The following RIOK1 variants were observed in gnomAD, a reference collection of about 807,000 sequenced individuals.
RIOK1 encodes the protein RIO kinase 1.
In RIOK1, 66 loss-of-function variants were observed where a neutral mutation model predicts 73.5. The observed-to-expected ratio is 0.90, with a 90% CI of 0.74 to 1.10. The LOEUF is 1.10. RIOK1 is among the 50% of genes least tolerant of loss of function. The pLI is 0.00. For missense variants in RIOK1, 658 were observed against 699.8 expected, an observed-to-expected ratio of 0.94 and a Z score of 0.67; for synonymous variants, 224 against 226.8, an observed-to-expected ratio of 0.99 and a Z score of 0.11.
intron 16 of RIOK1, among the ~76,000 whole-genome samples, chr6:7,415,067 A>T (rs190504320): frequency 6.6e-6 from 1 of 152,298 alleles, no homozygotes. Flanking sequence ...AATGACCGTA[A>T]ATTACAGGAG....
chr6:7,405,798 T>C (rs896171374), intron 12 of RIOK1, among the ~76,000 whole-genome samples: 3 of 150,640 alleles, frequency 2.0e-5, no homozygotes, highest in Admixed American at 6.6e-5. Flanking sequence ...TTCCTTTTTT[T>C]TTTTTTTTTC....
chr6:7,405,494 T>A, intron 12 of RIOK1, 139 bp downstream of exon 12: 1 of 535,908 alleles, frequency 1.9e-6, no homozygotes. Flanking sequence ...CTTACCCTAG[T>A]TGAGCATCCG....
At chr6:7,411,184 TACCA>T in intron 13 of RIOK1, 144 bp from the exon 14 acceptor site, 1 of 709,634 alleles carries the variant, frequency 1.4e-6, no homozygotes, top group Non-Finnish European at 2.3e-6. Context: ...ACAGATGGGA[TACCA>T]GTGTGTGCAG....
At chr6:7,399,110 G>A (rs930652828) in intron 5 of RIOK1, among the ~76,000 whole-genome samples, 4 of 152,196 alleles carry the variant, frequency 2.6e-5, no homozygotes, top group Non-Finnish European at 5.9e-5. Context: ...GAGAGGGGCA[G>A]ATAATGTCTT....
chr6:7,411,278 G>C, intron 13 of RIOK1, 54 bp from the exon 14 acceptor site: 1 of 1,593,614 alleles, frequency 6.3e-7, no homozygotes, highest in East Asian at 2.2e-5. Context: ...TATGCTGTGT[G>C]AATGTGAGAA....
At chr6:7,405,773 A>G (rs1271398582) in intron 12 of RIOK1, among the ~76,000 whole-genome samples, 1 of 146,990 alleles carries the variant, frequency 6.8e-6, no homozygotes, top group Non-Finnish European at 1.5e-5. Flanking sequence ...TGGTAAAGCC[A>G]GGGGTTTTTT....
chr6:7,408,957 G>A (rs1031601857), intron 12 of RIOK1, among the ~76,000 whole-genome samples: 5 of 151,890 alleles, frequency 3.3e-5, no homozygotes, highest in Non-Finnish European at 7.4e-5. Flanking sequence ...CTGACCTCAG[G>A]TGATCCATCC....
Position 7,390,114 on chromosome 6 carries a change from C to T in RIOK1, c.71+41C>T, listed in dbSNP as rs1053010332. 3.3e-6 allele frequency: 5 copies of T among 1,519,146 alleles called. No individual in the cohort carries two copies. The African/African-American group carries it at 6.9e-5, about 21-fold the overall frequency. 94.1% of individuals were successfully genotyped at this position (1,519,146 alleles called of 1,614,324 possible). A position where few individuals can be genotyped will look rare whatever the true frequency, so the allele number is the denominator to read the frequency against. ...GTGCCCTGGCTCTGGGTACGGCTCT[C>T]TCCTTGACCGCCCCCTTGGGGTGTG... On this transcript the variant is annotated intron_variant, in intron 1 of 16. Transcript: ENST00000379834.
At chr6:7,391,279 A>G (rs1451146506) in intron 1 of RIOK1, among the ~76,000 whole-genome samples, 1 of 152,214 alleles carries the variant, frequency 6.6e-6, no homozygotes, top group Non-Finnish European at 1.5e-5. Flanking sequence ...CCTGAATGAC[A>G]CAGAGCTTGC....
rs1373267050 is a variant in RIOK1, at chr6:7,389,868, G to C, written c.-135G>C. The C allele has an allele frequency of 4.7e-6, 3 of 639,526 alleles. No individual in the cohort carries two copies. Among genetic ancestry groups the C allele is most frequent in the Non-Finnish European group, 8.2e-6 (3 of 366,940 alleles). 39.6% of individuals were successfully genotyped at this position (639,526 alleles called of 1,614,324 possible). On this transcript the variant is annotated 5_prime_UTR_variant, in exon 1 of 17. Coordinates refer to ENST00000379834, the MANE Select transcript of RIOK1 (RefSeq NM_031480.3). ...TCGGTCCCGTTTTCCCGTCGCACGT[G>C]GTGGCCACTGTTGGCTTCTGAATGG...
intron 2 of RIOK1, among the ~76,000 whole-genome samples, chr6:7,393,536 T>C (rs1475637465): frequency 6.6e-6 from 1 of 152,236 alleles, no homozygotes; most frequent in Non-Finnish European, 1.5e-5. Context: ...ATAAAGATTG[T>C]GAGCTTAAAA....
chr6:7,405,247 A>C lies in RIOK1; in HGVS notation c.1097-2A>C, dbSNP rs1761716085. 1 of 1,595,040 alleles carries C rather than the reference A, an allele frequency of 6.3e-7. No individual in the cohort carries two copies. The highest frequency in any genetic ancestry group is 1.7e-5 in the Admixed American group (1 of 59,074). On this transcript the variant is annotated splice_acceptor_variant, in intron 11 of 16. Coordinates refer to ENST00000379834, the MANE Select transcript of RIOK1 (RefSeq NM_031480.3). LOFTEE classifies it high-confidence loss of function. ...TGTCATTAACGTTTTTCCTTCTGAC[A>C]GATTTCTTTATGAGGCACAGTGTTG...
intron 16 of RIOK1, among the ~76,000 whole-genome samples, chr6:7,416,395 T>A (rs932683872): frequency 3.3e-5 from 5 of 152,200 alleles, no homozygotes; most frequent in African/African-American, 4.8e-5. Flanking sequence ...ACGCCTGTAA[T>A]CCCATCACTT....
chr6:7,410,641 A>G (rs1761863888), intron 13 of RIOK1, among the ~76,000 whole-genome samples, 190 bp downstream of exon 13: 1 of 152,180 alleles, frequency 6.6e-6, no homozygotes, highest in East Asian at 1.9e-4. Context: ...ATTTCACTGT[A>G]TTGGTCCACT....
intron 12 of RIOK1, among the ~76,000 whole-genome samples, chr6:7,408,565 C>T (rs368218058): frequency 2.2e-4 from 34 of 152,252 alleles, no homozygotes; most frequent in African/African-American, 7.5e-4. Context: ...CTAATTCTGT[C>T]ACCCTCAATT....
chr6:7,409,214 TGTG>T (rs1761826454), intron 12 of RIOK1, among the ~76,000 whole-genome samples: 2 of 1,276 alleles, frequency 1.6e-3, no homozygotes, highest in Non-Finnish European at 2.7e-3. Context: ...CCCGACTAAT[TGTG>T]TGTGTGTGTG....
In RIOK1 at chr6:7,417,430, A is replaced by C; in HGVS notation, c.1696A>C (p.Lys566Gln). Residue 566 changes from lysine to glutamine, a missense_variant, in exon 17 of 17, where the codon AAA (lysine) becomes CAA (glutamine). By Grantham distance (53) the Lys-to-Gln change is moderately conservative (BLOSUM62 1). Transcript: ENST00000379834. ...AAAGGAGAAGACAGCCAAGACGAAA[A>C]AAGGCAAATAGAATGAGAACCATAT... ...KRKEKTAKTK[K>Q]GK 6.5e-7 allele frequency: 1 copy of C among 1,544,074 alleles called. No homozygotes were observed. The highest frequency in any genetic ancestry group is 8.7e-7 in the Non-Finnish European group (1 of 1,144,556).
Position 7,404,398 on chromosome 6 carries a change from C to G in RIOK1, c.855-20C>G. ...GAAAACTTGTTCTTGGTCATTTTATCTTAGTTCTTTTCATTCAAGGCCTGC... is the reference window on the plus strand; with the variant it reads ...GAAAACTTGTTCTTGGTCATTTTATGTTAGTTCTTTTCATTCAAGGCCTGC... On this transcript the variant is annotated intron_variant, in intron 9 of 16. Transcript: ENST00000379834. 1.2e-6 allele frequency: 2 copies of G among 1,613,228 alleles called. No homozygotes were observed. Among genetic ancestry groups the G allele is most frequent in the African/African-American group, 2.7e-5 (2 of 75,008 alleles).
chr6:7,395,167 G>A, intron 3 of RIOK1, 24 bp downstream of exon 3: 3 of 1,594,568 alleles, frequency 1.9e-6, no homozygotes, highest in South Asian at 2.3e-5. Context: ...ATACATCACT[G>A]GGCTAAGAGG....
Sources: gnomAD v4.1 joint callset for allele counts (sites outside exome capture counted in the v4.1 genomes callset) on GRCh38, gnomAD v4.1.1 for gene constraint, MANE v1.5 for transcripts, NCBI Gene and HGNC (gene_info 2026-07-23, HGNC 2026-07-21) for gene names.